CHSY3: variants seen among roughly 807,000 people sequenced by gnomAD.
CHSY3 encodes chondroitin sulfate synthase 3.
A neutral mutation model predicts 67.2 loss-of-function variants in CHSY3; 35 were observed. That is an observed-to-expected ratio of 0.52 (90% CI 0.40 to 0.69). The LOEUF (loss-of-function observed/expected upper bound fraction) is 0.69. Ranked by LOEUF, CHSY3 falls within the 30% of genes least tolerant of loss-of-function variation. The pLI, the probability that CHSY3 is intolerant of heterozygous loss-of-function variation, is 0.00. For missense variants in CHSY3, 1,069 were observed against 1,138.5 expected (o/e 0.94, Z 0.88); for synonymous variants, 474 against 434.7 (o/e 1.09, Z -1.12).
At chr5:130,045,840 C>A (rs1490899611) in intron 2 of CHSY3, among the ~76,000 whole-genome samples, 1 of 152,080 alleles carries the variant, frequency 6.6e-6, no homozygotes, top group Non-Finnish European at 1.5e-5. Context: ...TAAAAGCTCT[C>A]AACCTTGCCA....
intron 2 of CHSY3, among the ~76,000 whole-genome samples, chr5:129,921,255 TG>T (rs1760915247): frequency 6.6e-6 from 1 of 152,204 alleles, no homozygotes; most frequent in African/African-American, 2.4e-5. Context: ...ACATGTACTA[TG>T]CACAAGCACT....
chr5:130,128,229 G>GTGTGTGT (rs1554084699), intron 2 of CHSY3, among the ~76,000 whole-genome samples: 3 of 147,368 alleles, frequency 2.0e-5, no homozygotes, highest in African/African-American at 7.6e-5. Flanking sequence ...AAGAAAATGT[G>GTGTGTGT]GTGTGTGTGT....
chr5:129,988,629 T>G (rs1204838746), intron 2 of CHSY3, among the ~76,000 whole-genome samples: 1 of 152,324 alleles, frequency 6.6e-6, no homozygotes, highest in African/African-American at 2.4e-5. Flanking sequence ...TATTTCTGAA[T>G]GAATGAATGA....
In CHSY3 at chr5:130,155,511, T is replaced by C. The variant is rs371881277; in HGVS notation, c.1087-28718T>C. Among the ~76,000 whole-genome samples, 323 of 152,326 alleles carry C rather than the reference T, an allele frequency of 2.1e-3. 6 individuals carry two copies. The South Asian group carries it at 0.035, about 17-fold the overall frequency. ...CAAACTAGAAACGTTTCTTTTCCTCTACTGAGTTTCTATCAAGTCTCCCAA... is the reference window on the plus strand; with the variant it reads ...CAAACTAGAAACGTTTCTTTTCCTCCACTGAGTTTCTATCAAGTCTCCCAA... On this transcript the variant is annotated intron_variant, in intron 2 of 2. Coordinates refer to ENST00000305031, the MANE Select transcript of CHSY3 (RefSeq NM_175856.5).
At chr5:130,003,717 G>A (rs1763797614) in intron 2 of CHSY3, among the ~76,000 whole-genome samples, 1 of 152,116 alleles carries the variant, frequency 6.6e-6, no homozygotes, top group South Asian at 2.1e-4. Context: ...TTCCTCTATA[G>A]GCAATTTGAG....
intron 2 of CHSY3, among the ~76,000 whole-genome samples, chr5:130,038,653 T>C (rs1487024241): frequency 6.6e-6 from 1 of 152,274 alleles, no homozygotes; most frequent in African/African-American, 2.4e-5. Flanking sequence ...GTGTATTGTT[T>C]GTCTATTTCA....
chr5:130,102,773 A>C (rs1767288879), intron 2 of CHSY3, among the ~76,000 whole-genome samples: 1 of 152,136 alleles, frequency 6.6e-6, no homozygotes, highest in Non-Finnish European at 1.5e-5. Flanking sequence ...GTTGTCGAGA[A>C]GAATAAGGGA....
chr5:130,051,562 T>C (rs1165215143), intron 2 of CHSY3, among the ~76,000 whole-genome samples: 1 of 152,062 alleles, frequency 6.6e-6, no homozygotes, highest in Non-Finnish European at 1.5e-5. Context: ...AAAATGATCA[T>C]AGGATGTCAT....
chr5:130,140,989 A>T, intron 2 of CHSY3: 1 of 533,762 alleles, frequency 1.9e-6, no homozygotes, highest in Non-Finnish European at 2.5e-6. Flanking sequence ...AGGCCCTTGG[A>T]AATGCCAAAC....
At chr5:130,099,741 C>T (rs1217355368) in intron 2 of CHSY3, among the ~76,000 whole-genome samples, 4 of 152,114 alleles carry the variant, frequency 2.6e-5, no homozygotes, top group African/African-American at 4.8e-5. Flanking sequence ...AATAGTGAAA[C>T]ATTTTCATGG....
intron 2 of CHSY3, among the ~76,000 whole-genome samples, chr5:130,117,146 G>A (rs891430934): frequency 7.2e-5 from 11 of 152,162 alleles, no homozygotes; most frequent in African/African-American, 2.7e-4. Context: ...TTAGATACCT[G>A]TATTTGGACC....
Position 129,914,088 on chromosome 5 carries a change from T to C in CHSY3, c.1086+5728T>C, listed in dbSNP as rs973980976. Among the ~76,000 whole-genome samples, 78 of 152,168 alleles carry C rather than the reference T, an allele frequency of 5.1e-4. 1 individual carries two copies. The highest frequency in any genetic ancestry group is 4.4e-5 in the Non-Finnish European group (3 of 68,024). On this transcript the variant is annotated intron_variant, in intron 2 of 2. Coordinates refer to ENST00000305031, the MANE Select transcript of CHSY3 (RefSeq NM_175856.5). ...ATTCTTATAGGGCTGCTGCACATCC[T>C]TCTTAGCTTCCTATTCCATATAAAT...
intron 2 of CHSY3, among the ~76,000 whole-genome samples, chr5:129,911,973 G>T (rs565911063): frequency 1.4e-3 from 212 of 152,130 alleles, no homozygotes; most frequent in African/African-American, 4.9e-3. Flanking sequence ...GGAGAATGGC[G>T]TGAACCCGGG....
chr5:129,930,814 C>G (rs1280336781), intron 2 of CHSY3, among the ~76,000 whole-genome samples: 3 of 152,154 alleles, frequency 2.0e-5, no homozygotes. Context: ...AAGGAGAATA[C>G]TCTCCTACTG....
chr5:129,982,414 T>G (rs975005662), intron 2 of CHSY3, among the ~76,000 whole-genome samples: 18 of 152,230 alleles, frequency 1.2e-4, no homozygotes, highest in South Asian at 4.1e-4. Context: ...TATCCATCTA[T>G]TCCATGTAAA....
At chr5:130,122,697 A>G (rs904936233) in intron 2 of CHSY3, among the ~76,000 whole-genome samples, 25 of 152,320 alleles carry the variant, frequency 1.6e-4, no homozygotes, top group African/African-American at 5.8e-4. Flanking sequence ...TGTTTTTTCC[A>G]GGTAAACGTA....
At chr5:129,994,294 T>C (rs1763462307) in intron 2 of CHSY3, among the ~76,000 whole-genome samples, 1 of 152,190 alleles carries the variant, frequency 6.6e-6, no homozygotes, top group African/African-American at 2.4e-5. Context: ...CTGGATAATA[T>C]CCTGCAGAGT....
At chr5:129,989,077 A>G (rs536268363) in intron 2 of CHSY3, among the ~76,000 whole-genome samples, 1 of 152,134 alleles carries the variant, frequency 6.6e-6, no homozygotes, top group Admixed American at 6.6e-5. Flanking sequence ...TAGTTTGTTT[A>G]TGCTGCTATA....
chr5:130,125,128 T>C (rs1050691975), intron 2 of CHSY3, among the ~76,000 whole-genome samples: 1 of 152,082 alleles, frequency 6.6e-6, no homozygotes, highest in African/African-American at 2.4e-5. Context: ...GCAAGTTGAA[T>C]CTCACAGGAC....
Sources: gnomAD v4.1 joint callset for allele counts (sites outside exome capture counted in the v4.1 genomes callset) on GRCh38, gnomAD v4.1.1 for gene constraint, MANE v1.5 for transcripts, NCBI Gene and HGNC (gene_info 2026-07-23, HGNC 2026-07-21) for gene names.